Variants in TMEM108 observed in about 807,000 individuals in gnomAD.
TMEM108 encodes the protein transmembrane protein 108.
In TMEM108, 12 loss-of-function variants were observed where a neutral mutation model predicts 35.1. The ratio of observed to expected loss-of-function variants is 0.34; its 90% CI spans 0.22 to 0.55. The LOEUF (loss-of-function observed/expected upper bound fraction) is 0.55, where lower values mean the gene tolerates loss of function less well. TMEM108 is among the 20% of genes least tolerant of loss of function. TMEM108 has a pLI of 0.89. For missense variants in TMEM108, 680 were observed against 753.3 expected (o/e 0.90, Z 1.14); for synonymous variants, 287 against 308.6 (o/e 0.93, Z 0.73).
rs189669522 is a variant in TMEM108 at position 133,231,759 on chromosome 3, C to T, written c.40+2408C>T. Among the ~76,000 whole-genome samples, 28 of 152,250 alleles carry T rather than the reference C, an allele frequency of 1.8e-4. No homozygotes were observed. The East Asian group carries it at 5.2e-3, about 28-fold the overall frequency. On this transcript the variant is annotated intron_variant, in intron 3 of 5. Transcript: ENST00000321871. ...ATCTATTTGTTTAAAAAAACAAAAA[C>T]AATTACTAGTGGACATTAGCCAGTT...
intron 2 of TMEM108, among the ~76,000 whole-genome samples, chr3:133,192,600 A>G (rs1945514958): frequency 6.6e-6 from 1 of 152,154 alleles, no homozygotes; most frequent in African/African-American, 2.4e-5. Context: ...CTAGCATTTC[A>G]GTAGCTAGCT....
chr3:133,318,953 G>A (rs2071231931), intron 3 of TMEM108, among the ~76,000 whole-genome samples: 1 of 146,540 alleles, frequency 6.8e-6, no homozygotes, highest in Non-Finnish European at 1.5e-5. Context: ...TGTATAGCCT[G>A]GGGCTAGGTC....
intron 3 of TMEM108, among the ~76,000 whole-genome samples, chr3:133,372,606 A>T (rs148868706): frequency 4.6e-5 from 7 of 152,334 alleles, no homozygotes; most frequent in African/African-American, 1.7e-4. Flanking sequence ...TCTTGCTGGA[A>T]TGTATTCAAG....
At chr3:133,174,790 C>T (rs1945186213) in intron 2 of TMEM108, among the ~76,000 whole-genome samples, 1 of 152,202 alleles carries the variant, frequency 6.6e-6, no homozygotes, top group African/African-American at 2.4e-5. Flanking sequence ...CAAAGGAACG[C>T]AGCTCCTCAC....
At chr3:133,327,558 G>T (rs1490807560) in intron 3 of TMEM108, among the ~76,000 whole-genome samples, 2 of 152,042 alleles carry the variant, frequency 1.3e-5, no homozygotes, top group Non-Finnish European at 2.9e-5. Flanking sequence ...AGGGCCTGAG[G>T]GCTGTTGCTT....
chr3:133,150,929 G>A (rs1304085222), intron 2 of TMEM108, among the ~76,000 whole-genome samples: 1 of 152,012 alleles, frequency 6.6e-6, no homozygotes. Flanking sequence ...ACATTTCCTG[G>A]TCAGTCCCCA....
chr3:133,229,215 T>A, intron 2 of TMEM108, 51 bp from the exon 3 acceptor site: 2 of 1,258,628 alleles, frequency 1.6e-6, no homozygotes, highest in Non-Finnish European at 2.3e-6. Flanking sequence ...TATTTCTGAT[T>A]TTTAAATTAT....
intron 2 of TMEM108, among the ~76,000 whole-genome samples, chr3:133,064,186 A>T (rs901925036): frequency 6.6e-6 from 1 of 152,188 alleles, no homozygotes; most frequent in East Asian, 1.9e-4. Context: ...AAAACCAGTT[A>T]TCACTTCTCC....
chr3:133,122,257 T>G (rs1000243926), intron 2 of TMEM108, among the ~76,000 whole-genome samples: 5 of 152,212 alleles, frequency 3.3e-5, no homozygotes, highest in Non-Finnish European at 5.9e-5. Context: ...TGCACAATTT[T>G]TAATCTTGAT....
At chr3:133,213,232 A>G (rs1945859997) in intron 2 of TMEM108, among the ~76,000 whole-genome samples, 1 of 152,238 alleles carries the variant, frequency 6.6e-6, no homozygotes, top group South Asian at 2.1e-4. Context: ...CCCAGGAGAA[A>G]GGGAGAGACA....
At chr3:133,149,465 C>T (rs565455468) in intron 2 of TMEM108, among the ~76,000 whole-genome samples, 1 of 152,248 alleles carries the variant, frequency 6.6e-6, no homozygotes, top group Admixed American at 6.5e-5. Flanking sequence ...CAGAACCCAT[C>T]TTATAACTGA....
chr3:133,282,025 C>T lies in TMEM108; in HGVS notation c.40+52674C>T, dbSNP rs1441642663. Among the ~76,000 whole-genome samples, 3 of 152,126 alleles carry T rather than the reference C, an allele frequency of 2.0e-5. 1 individual carries two copies. The highest frequency in any genetic ancestry group is 2.0e-4 in the Admixed American group (3 of 15,280). ...ACAAAAAATTAGCTGGGCATGGTGGCAGGCACCTGTAGTCCCAGCTACTCG... is the reference window on the plus strand; with the variant it reads ...ACAAAAAATTAGCTGGGCATGGTGGTAGGCACCTGTAGTCCCAGCTACTCG... On this transcript the variant is annotated intron_variant, in intron 3 of 5. Coordinates refer to ENST00000321871, the MANE Select transcript of TMEM108 (RefSeq NM_023943.4).
intron 2 of TMEM108, among the ~76,000 whole-genome samples, chr3:133,058,383 T>C (rs1361315660): frequency 6.6e-6 from 1 of 152,218 alleles, no homozygotes; most frequent in Non-Finnish European, 1.5e-5. Context: ...GAGGAGAGAA[T>C]AACTTGCCTC....
intron 3 of TMEM108, among the ~76,000 whole-genome samples, chr3:133,262,900 T>G (rs937654757): frequency 6.6e-5 from 10 of 152,252 alleles, no homozygotes; most frequent in African/African-American, 1.2e-4. Context: ...TGAGAATAGA[T>G]TCCTGAAGTA....
Position 133,116,719 on chromosome 3 carries a change from T to C in TMEM108, c.-47+70699T>C, listed in dbSNP as rs548382306. Reference sequence around the variant, plus strand: ...CGCTCTTGTTGTCAACTGTATGAGATACCAGTGTACCAGTGCATTCAAAGG... The same window carrying C: ...CGCTCTTGTTGTCAACTGTATGAGACACCAGTGTACCAGTGCATTCAAAGG... On this transcript the variant is annotated intron_variant, in intron 2 of 5. Coordinates refer to ENST00000321871, the MANE Select transcript of TMEM108 (RefSeq NM_023943.4). 6.7e-4 allele frequency among the ~76,000 whole-genome samples: 102 copies of C among 152,298 alleles called. 1 individual carries two copies. Among genetic ancestry groups the C allele is most frequent in the African/African-American group, 2.4e-3 (99 of 41,562 alleles).
At chr3:133,389,082 C>T (rs1462691038) in intron 4 of TMEM108, 1 of 985,484 alleles carries the variant, frequency 1.0e-6, no homozygotes, top group Non-Finnish European at 1.2e-6. Context: ...GTCCTCACTT[C>T]ATGGCTTCTC....
chr3:133,245,746 A>T, intron 3 of TMEM108, among the ~76,000 whole-genome samples: 1 of 152,346 alleles, frequency 6.6e-6, no homozygotes, highest in South Asian at 2.1e-4. Context: ...TTCATTAGAG[A>T]GAATGAGAAT....
At chr3:133,044,210 A>G (rs1438453882) in intron 1 of TMEM108, among the ~76,000 whole-genome samples, 1 of 152,156 alleles carries the variant, frequency 6.6e-6, no homozygotes, top group African/African-American at 2.4e-5. Context: ...TGTAATGTCA[A>G]TTTTCTGCAT....
intron 2 of TMEM108, among the ~76,000 whole-genome samples, chr3:133,158,505 G>A (rs892404426): frequency 1.4e-4 from 21 of 145,238 alleles, no homozygotes; most frequent in African/African-American, 5.0e-4. Context: ...GAAAGAAATT[G>A]TTGTGACGTA....
Sources: gnomAD v4.1 joint callset for allele counts (sites outside exome capture counted in the v4.1 genomes callset) on GRCh38, gnomAD v4.1.1 for gene constraint, MANE v1.5 for transcripts, NCBI Gene and HGNC (gene_info 2026-07-23, HGNC 2026-07-21) for gene names.